CASP9: variants seen among roughly 807,000 people sequenced by gnomAD.
The protein encoded by CASP9 is caspase 9.
A neutral mutation model predicts 43.5 loss-of-function variants in CASP9; 29 were observed. The ratio of observed to expected loss-of-function variants is 0.67; its 90% CI spans 0.50 to 0.91. The LOEUF (loss-of-function observed/expected upper bound fraction) is 0.91, where lower values mean the gene tolerates loss of function less well. Among genes scored for constraint, CASP9 ranks in the 40% least tolerant of loss-of-function variants. CASP9 has a pLI of 0.00. For synonymous variants in CASP9, 206 were observed against 211.9 expected (o/e 0.97, Z 0.24); for missense variants, 575 against 537.4 (o/e 1.07, Z -0.69).
rs1457708308 is a variant in CASP9 at position 15,495,429 on chromosome 1, C to T, written c.892G>A (p.Val298Met). 2.5e-6 allele frequency: 4 copies of T among 1,599,674 alleles called. No homozygotes were observed. The highest frequency in any genetic ancestry group is 1.7e-4 in the Middle Eastern group (1 of 6,026). Residue 298 changes from valine to methionine, a missense_variant, in exon 7 of 9, where the codon GTG (valine) becomes ATG (methionine). Val to Met is a conservative substitution (Grantham distance 21). Transcript: ENST00000333868. The stretch of plus-strand genomic sequence containing the variant: ...TCGTCTTCAGGGGAAGTGGAGGCCA[C>T]CTCAAACCCATGGTCTTTCTGCTCT... ...GGEQKDHGFE[V>M]ASTSPEDESP...
intron 7 of CASP9, 94 bp downstream of exon 7, chr1:15,495,179 T>A: frequency 8.6e-7 from 1 of 1,164,614 alleles, no homozygotes; most frequent in East Asian, 2.6e-5. Context: ...GAACCAGGAC[T>A]CATACCCTGG....
chr1:15,501,631 G>A (rs113404447), intron 6 of CASP9, among the ~76,000 whole-genome samples: 64 of 152,304 alleles, frequency 4.2e-4, no homozygotes, highest in Non-Finnish European at 8.1e-4. Context: ...CGCAGCCTGC[G>A]GAGGCAAAGC....
At chr1:15,513,793 G>C (rs1042220983) in intron 2 of CASP9, among the ~76,000 whole-genome samples, 3 of 152,204 alleles carry the variant, frequency 2.0e-5, no homozygotes, top group Admixed American at 1.3e-4. Flanking sequence ...CAGTGATGGA[G>C]TGAGTCTGAG....
chr1:15,512,586 T>C (rs544716320), intron 2 of CASP9, among the ~76,000 whole-genome samples: 48 of 152,304 alleles, frequency 3.2e-4, no homozygotes, highest in Non-Finnish European at 6.0e-4. Context: ...GGTCTCCAAC[T>C]TGCAGATGGC....
intron 2 of CASP9, among the ~76,000 whole-genome samples, chr1:15,515,853 T>C (rs548228495): frequency 4.7e-4 from 72 of 151,854 alleles, no homozygotes; most frequent in Non-Finnish European, 9.0e-4. Flanking sequence ...CACAGGAGTT[T>C]GAGGGCAGCC....
Position 15,492,963 on chromosome 1 carries a change from G to T in CASP9, c.1231C>A (p.Leu411Ile). 3.1e-6 allele frequency: 5 copies of T among 1,614,000 alleles called. No individual in the cohort carries two copies. The highest frequency in any genetic ancestry group is 4.2e-6 in the Non-Finnish European group (5 of 1,180,020). ...TGGCCTTATGATGTTTTAAAGAAAA[G>T]TTTTTTCCGGAGGAAATTAAAGCAA... Reference protein sequence around the residue: ...PGCFNFLRKKLFFKTS With the variant: ...PGCFNFLRKKIFFKTS The change falls in exon 9 of 9, where the codon CTT (leucine) becomes ATT (isoleucine). Residue 411 changes from leucine (L) to isoleucine (I), a missense_variant. Physicochemically the swap from Leu to Ile is conservative, Grantham distance 5 (BLOSUM62 2). Coordinates refer to ENST00000333868, the MANE Select transcript of CASP9 (RefSeq NM_001229.5).
upstream of CASP9, chr1:15,524,886 G>GCGC: frequency 2.3e-6 from 1 of 441,984 alleles, no homozygotes; most frequent in Non-Finnish European, 2.7e-6. Context: ...AATCCATTCC[G>GCGC]CGCCACCGCC....
At chr1:15,518,035 AC>A (rs903102947) in intron 2 of CASP9, 74 bp downstream of exon 2, 58 of 1,477,386 alleles carry the variant, frequency 3.9e-5, no homozygotes, top group Non-Finnish European at 5.3e-5. Flanking sequence ...ATCTCAGCCC[AC>A]CCAGCTGTAC....
chr1:15,511,774 AC>A, intron 2 of CASP9, among the ~76,000 whole-genome samples: 1 of 151,912 alleles, frequency 6.6e-6, no homozygotes, highest in East Asian at 1.9e-4. Context: ...GCTGGGAAAA[AC>A]CTGTAGCTGG....
chr1:15,501,551 G>A (rs1222091418), intron 6 of CASP9, among the ~76,000 whole-genome samples: 2 of 152,124 alleles, frequency 1.3e-5, no homozygotes, highest in Non-Finnish European at 2.9e-5. Flanking sequence ...GTGAAGAACG[G>A]GGACCTTTCT....
chr1:15,524,170 G>A lies in CASP9; in HGVS notation c.31C>T (p.Arg11Trp), dbSNP rs1710342633. The change falls in exon 1 of 9, where the codon CGG becomes TGG. Residue 11 changes from arginine to tryptophan, a missense_variant. Arg to Trp is a moderately radical substitution (Grantham distance 101). Coordinates refer to ENST00000333868, the MANE Select transcript of CASP9 (RefSeq NM_001229.5). MDEADRRLLR[R>W]CRLRLVEELQ... is the part of the protein sequence containing the mutation. ...TCTTCCACCAGCCGCAGCCGGCACC[G>A]CCGCAGGAGCCGCCGATCCGCTTCG... is the stretch of plus-strand genomic sequence containing the variant. 3 of 1,540,664 alleles carry A rather than the reference G, an allele frequency of 1.9e-6. No individual in the cohort carries two copies. Among genetic ancestry groups the A allele is most frequent in the Non-Finnish European group, 8.7e-7 (1 of 1,148,058 alleles).
upstream of CASP9, chr1:15,524,700 C>T (rs1710381734): frequency 9.5e-7 from 1 of 1,050,694 alleles, no homozygotes; most frequent in Non-Finnish European, 1.1e-6. Flanking sequence ...GACGCCTCCG[C>T]GCCTCGCCCT....
chr1:15,494,085 T>C lies in CASP9; in HGVS notation c.1049-84A>G, dbSNP rs1709004690. 2 of 1,510,630 alleles carry C rather than the reference T, an allele frequency of 1.3e-6. 1 individual carries two copies. The highest frequency in any genetic ancestry group is 2.5e-5 in the South Asian group (2 of 81,182). 93.6% of individuals were successfully genotyped at this position (1,510,630 alleles called of 1,614,324 possible). On this transcript the variant is annotated intron_variant, in intron 7 of 8. Transcript: ENST00000333868. ...CACCCCTCTGGCCATGCACGCTGGC[T>C]CGGGCGCCCTCCAGACCTTGACTCA...
intron 1 of CASP9, among the ~76,000 whole-genome samples, chr1:15,520,684 T>C (rs1331133825): frequency 6.6e-6 from 1 of 152,230 alleles, no homozygotes; most frequent in Admixed American, 6.5e-5. Flanking sequence ...CCAGGCGCGG[T>C]GGCTCACGCC....
chr1:15,510,820 TG>T (rs931408665), intron 2 of CASP9, among the ~76,000 whole-genome samples: 1 of 152,002 alleles, frequency 6.6e-6, no homozygotes, highest in African/African-American at 2.4e-5. Context: ...TAAACACACA[TG>T]GCTAAGTGTG....
intron 1 of CASP9, among the ~76,000 whole-genome samples, chr1:15,522,497 C>T (rs1710242244): frequency 6.6e-6 from 1 of 151,734 alleles, no homozygotes. Flanking sequence ...CACTTGAGGC[C>T]AAGAGTTTGA....
At chr1:15,493,090 A>G in intron 8 of CASP9, 55 bp from the exon 9 acceptor site, 7 of 1,607,644 alleles carry the variant, frequency 4.4e-6, no homozygotes, top group Non-Finnish European at 5.9e-6. Flanking sequence ...GACTGAAGGA[A>G]GAATTCAAGA....
At chr1:15,518,078 G>A (rs762204407) in intron 2 of CASP9, 32 bp downstream of exon 2, 1 of 1,608,780 alleles carries the variant, frequency 6.2e-7, no homozygotes, top group Non-Finnish European at 8.5e-7. Context: ...TACGTGTCAT[G>A]CCCACCCACC....
At chr1:15,494,289 G>C (rs1242162005) in intron 7 of CASP9, among the ~76,000 whole-genome samples, 1 of 152,170 alleles carries the variant, frequency 6.6e-6, no homozygotes, top group Non-Finnish European at 1.5e-5. Flanking sequence ...AAACTGCCAG[G>C]CACAGTGGCT....
Sources: allele counts gnomAD v4.1 joint callset (sites outside exome capture counted in the v4.1 genomes callset), GRCh38; gene constraint gnomAD v4.1.1; transcripts MANE v1.5; gene names NCBI Gene and HGNC (gene_info 2026-07-23, HGNC 2026-07-21).